LCOR: variants seen among roughly 807,000 people sequenced by gnomAD.
LCOR encodes the protein ligand dependent nuclear receptor corepressor, also known as ligand-dependent corepressor.
In LCOR, 14 loss-of-function variants were observed where a neutral mutation model predicts 64.4. The ratio of observed to expected loss-of-function variants is 0.22; its 90% confidence interval spans 0.14 to 0.34. The LOEUF (loss-of-function observed/expected upper bound fraction) is 0.34, where lower values mean the gene tolerates loss of function less well. LCOR is among the 10% of genes least tolerant of loss of function. The pLI is 1.00. For synonymous variants in LCOR, 643 were observed against 642.5 expected (o/e 1.00, Z -0.01); for missense variants, 1,686 against 1,765.3 (o/e 0.96, Z 0.80).
At chr10:96,922,247 A>G (rs1847093612) in intron 4 of LCOR, among the ~76,000 whole-genome samples, 1 of 151,924 alleles carries the variant, frequency 6.6e-6, no homozygotes, top group Non-Finnish European at 1.5e-5. Context: ...ATCAACAACT[A>G]TATATTTCGT....
At chr10:96,885,130 A>G (rs753815801) in intron 2 of LCOR, among the ~76,000 whole-genome samples, 3 of 152,224 alleles carry the variant, frequency 2.0e-5, no homozygotes, top group Non-Finnish European at 2.9e-5. Context: ...ACCTTTTGGG[A>G]AAATGCCATT....
chr10:96,836,930 G>A (rs970878258), intron 2 of LCOR, among the ~76,000 whole-genome samples: 5 of 152,170 alleles, frequency 3.3e-5, no homozygotes, highest in Non-Finnish European at 5.9e-5. Context: ...CCTTAGCTCA[G>A]GGGAGGAATG....
At chr10:96,953,480 G>C (rs1847716704) in intron 7 of LCOR, among the ~76,000 whole-genome samples, 1 of 152,158 alleles carries the variant, frequency 6.6e-6, no homozygotes, top group African/African-American at 2.4e-5. Context: ...GAGCCCAGAA[G>C]GTCACAGCTG....
At chr10:96,867,239 C>T (rs377474220) in intron 2 of LCOR, among the ~76,000 whole-genome samples, 15 of 152,248 alleles carry the variant, frequency 9.9e-5, no homozygotes, top group African/African-American at 2.9e-4. Context: ...GTGATCCACC[C>T]GTCTCCGCCT....
At chr10:96,840,004 G>A (rs117288479) in intron 2 of LCOR, among the ~76,000 whole-genome samples, 2,144 of 152,296 alleles carry the variant, frequency 0.014, 18 homozygotes, top group Non-Finnish European at 0.023. Context: ...CTGGTGCTAA[G>A]TTAAATATAC....
chr10:96,976,744 G>T (rs1226030501), intron 7 of LCOR, among the ~76,000 whole-genome samples: 1 of 152,158 alleles, frequency 6.6e-6, no homozygotes, highest in Non-Finnish European at 1.5e-5. Context: ...TGCTTCTTCA[G>T]CTTTCTTCAT....
In LCOR at chr10:96,919,502, A is replaced by T. The variant is rs1222741133; in HGVS notation, c.-184+11755A>T. ...ATGGATTGTATCTTTTTATTTTTTTAAATTACGGTAAAATATACATAACAT... is the reference window on the plus strand; with the variant it reads ...ATGGATTGTATCTTTTTATTTTTTTTAATTACGGTAAAATATACATAACAT... On this transcript the variant is annotated intron_variant, in intron 4 of 7. Coordinates refer to ENST00000421806, the MANE Select transcript of LCOR (RefSeq NM_001346516.2). Among the ~76,000 whole-genome samples, 5 of 151,966 alleles carry T rather than the reference A, an allele frequency of 3.3e-5. No individual in the cohort carries two copies. In the East Asian group the frequency reaches 5.8e-4, roughly 18 times the overall value.
At chr10:96,874,768 G>A (rs1280716057) in intron 2 of LCOR, among the ~76,000 whole-genome samples, 2 of 151,834 alleles carry the variant, frequency 1.3e-5, no homozygotes, top group Non-Finnish European at 2.9e-5. Context: ...CTCCTGAGTA[G>A]CTGGGATTAC....
chr10:96,842,521 A>G (rs888072580), intron 2 of LCOR, among the ~76,000 whole-genome samples: 1 of 152,246 alleles, frequency 6.6e-6, no homozygotes, highest in Admixed American at 6.5e-5. Flanking sequence ...GTTTCACTTT[A>G]CAACATAATT....
chr10:96,978,072 C>T (rs974682356), intron 7 of LCOR, among the ~76,000 whole-genome samples: 1 of 152,230 alleles, frequency 6.6e-6, no homozygotes, highest in Non-Finnish European at 1.5e-5. Flanking sequence ...GCCTGTAACA[C>T]ATATTGTGCT....
chr10:96,980,780 T>C lies in LCOR; in HGVS notation c.333-13T>C. On this transcript the variant is annotated splice_polypyrimidine_tract_variant and intron_variant, in intron 7 of 7. Transcript: ENST00000421806. Reference sequence around the variant, plus strand: ...TGACAATACTAATTCCTTCTTTCTCTTTCTCTGTCTAGTGAGAACTCAACA... The same window carrying C: ...TGACAATACTAATTCCTTCTTTCTCCTTCTCTGTCTAGTGAGAACTCAACA... The C allele has an allele frequency of 1.5e-6, 1 of 667,164 alleles. No homozygotes were observed. The highest frequency in any genetic ancestry group is 1.6e-5 in the South Asian group (1 of 62,432). The allele number at this position is 667,164 out of a possible 1,614,324, so 41.3% of individuals were successfully genotyped here.
intron 2 of LCOR, among the ~76,000 whole-genome samples, chr10:96,873,520 A>C (rs564542472): frequency 6.6e-6 from 1 of 150,734 alleles, no homozygotes; most frequent in African/African-American, 2.4e-5. Flanking sequence ...CTATATTTGA[A>C]TAGATACAGT....
intron 4 of LCOR, among the ~76,000 whole-genome samples, chr10:96,926,307 A>C (rs555439281): frequency 1.2e-4 from 19 of 152,340 alleles, no homozygotes; most frequent in Non-Finnish European, 1.8e-4. Context: ...ATATCCTTTC[A>C]GAATATTGTG....
At position 96,920,684 on chromosome 10, in the gene LCOR, A is replaced by G. The variant is rs180759467; in HGVS notation, c.-184+12937A>G. Among the ~76,000 whole-genome samples the G allele has an allele frequency of 5.9e-3, 868 of 146,042 alleles. 9 individuals are homozygous for G. Among genetic ancestry groups the G allele is most frequent in the Non-Finnish European group, 8.9e-3 (597 of 67,432 alleles). On this transcript the variant is annotated intron_variant, in intron 4 of 7. Transcript: ENST00000421806. Reference sequence around the variant, plus strand: ...TATGTATATATGTATATATTCATATATGTGTATATATGTTCATATATGTGT... The same window carrying G: ...TATGTATATATGTATATATTCATATGTGTGTATATATGTTCATATATGTGT...
At chr10:96,958,360 G>T in intron 7 of LCOR, 1 of 1,532,642 alleles carries the variant, frequency 6.5e-7, no homozygotes. Context: ...TCATTGTAGT[G>T]TACATGGAGT....
chr10:96,916,996 C>T (rs1020928214), intron 4 of LCOR, among the ~76,000 whole-genome samples: 6 of 152,208 alleles, frequency 3.9e-5, no homozygotes, highest in African/African-American at 1.4e-4. Context: ...GTTAATTGTA[C>T]AAATCTAAAT....
intron 2 of LCOR, among the ~76,000 whole-genome samples, chr10:96,876,719 C>T (rs980751648): frequency 6.6e-6 from 1 of 151,934 alleles, no homozygotes; most frequent in Non-Finnish European, 1.5e-5. Context: ...GACGGAGTTT[C>T]GCTCTTGTTG....
At chr10:96,923,664 T>C (rs1442203250) in intron 4 of LCOR, among the ~76,000 whole-genome samples, 1 of 152,224 alleles carries the variant, frequency 6.6e-6, no homozygotes, top group African/African-American at 2.4e-5. Flanking sequence ...TTTAACCATA[T>C]TAACTATTTA....
intron 4 of LCOR, among the ~76,000 whole-genome samples, chr10:96,908,395 GT>G (rs1846767130): frequency 6.6e-6 from 1 of 152,202 alleles, no homozygotes; most frequent in African/African-American, 2.4e-5. Context: ...AGTAATGGGA[GT>G]TATTTTTAGT....
Sources: allele counts gnomAD v4.1 joint callset (sites outside exome capture counted in the v4.1 genomes callset), GRCh38; gene constraint gnomAD v4.1.1; transcripts MANE v1.5; gene names NCBI Gene and HGNC (gene_info 2026-07-23, HGNC 2026-07-21).